Variants in DMKN observed in about 807,000 individuals in gnomAD.
The protein encoded by DMKN is dermokine.
DMKN carries 58 observed loss-of-function variants against 67.6 expected under a neutral mutation model. That is an observed-to-expected ratio of 0.86 (90% CI 0.69 to 1.07). The LOEUF (loss-of-function observed/expected upper bound fraction) is 1.07, where lower values mean the gene tolerates loss of function less well. Among genes scored for constraint, DMKN ranks in the 50% least tolerant of loss-of-function variants. The probability of loss-of-function intolerance (pLI) is 0.00; values close to 1 mark genes in which losing one functional copy is unlikely to be tolerated. For synonymous variants in DMKN, 240 were observed against 232.3 expected (o/e 1.03, Z -0.30); for missense variants, 596 against 601.5 (o/e 0.99, Z 0.10).
intron 7 of DMKN, chr19:35,506,824 G>A: frequency 8.1e-6 from 2 of 246,104 alleles, no homozygotes; most frequent in South Asian, 4.2e-5. Context: ...AAACAGCCTG[G>A]CCAACATAGT....
intron 9 of DMKN, 43 bp downstream of exon 9, chr19:35,505,675 T>A (rs1462374340): frequency 1.2e-6 from 2 of 1,613,346 alleles, no homozygotes; most frequent in South Asian, 2.2e-5. Context: ...AGGTTTAGCT[T>A]TCTTCCCTAT....
At chr19:35,511,166 A>G (rs1037427887) in intron 5 of DMKN, among the ~76,000 whole-genome samples, 1 of 152,162 alleles carries the variant, frequency 6.6e-6, no homozygotes, top group Non-Finnish European at 1.5e-5. Flanking sequence ...CCACCATCAC[A>G]GAGTGGAAAA....
Position 35,511,468 on chromosome 19 carries a change from A to ACCACTGCTGCTGCCACTGCTGCTG in DMKN, c.860_861insCAGCAGCAGTGGCAGCAGCAGTGG (p.Gly287_Gly288insSerSerSerGlySerSerSerGly). 2,400 of 1,092,188 alleles carry ACCACTGCTGCTGCCACTGCTGCTG rather than the reference A, an allele frequency of 2.2e-3. 27 individuals carry two copies. The East Asian group carries it at 0.026, about 12-fold the overall frequency. 67.7% of individuals were successfully genotyped at this position (1,092,188 alleles called of 1,614,324 possible). ...TGCCACCACTGTTGCCACTGCTGCCACCACTGCTGCCGCCACTGCTGCCGC... is the reference window on the plus strand; with the variant it reads ...TGCCACCACTGTTGCCACTGCTGCCACCACTGCTGCTGCCACTGCTGCTGCCACTGCTGCCGCCACTGCTGCCGC... On this transcript the variant is annotated inframe_insertion, in exon 5 of 16. Transcript: ENST00000339686.
At chr19:35,503,738 A>G (rs2068880413) in intron 9 of DMKN, among the ~76,000 whole-genome samples, 2 of 152,028 alleles carry the variant, frequency 1.3e-5, no homozygotes, top group South Asian at 4.1e-4. Flanking sequence ...GGCCTCCCAA[A>G]GTGCTAGGAT....
intron 9 of DMKN, among the ~76,000 whole-genome samples, chr19:35,504,841 AC>A (rs553887390): frequency 6.1e-5 from 9 of 147,746 alleles, no homozygotes; most frequent in Non-Finnish European, 1.3e-4. Flanking sequence ...CTAGGGAGTG[AC>A]CCCCCCACCC....
Position 35,511,747 on chromosome 19 carries a change from G to A in DMKN, c.735+16C>T, listed in dbSNP as rs754315155. On this transcript the variant is annotated intron_variant, in intron 4 of 15. Transcript: ENST00000339686. ...CCTCCTGGTGCACAACTCCTGGGTT[G>A]CCCCTCTCCACTCACCCCAGAGTTG... 2.4e-5 allele frequency: 39 copies of A among 1,610,940 alleles called. No individual in the cohort carries two copies. Among genetic ancestry groups the A allele is most frequent in the Non-Finnish European group, 3.2e-5 (38 of 1,178,112 alleles).
intron 3 of DMKN, 148 bp from the exon 4 acceptor site, chr19:35,511,961 C>T (rs1179692717): frequency 1.4e-5 from 12 of 857,976 alleles, no homozygotes; most frequent in Admixed American, 3.1e-5. Context: ...TCCCATCTGC[C>T]TCCTCCCCAG....
At chr19:35,509,605 G>A in intron 7 of DMKN, 1 of 326,424 alleles carries the variant, frequency 3.1e-6, no homozygotes, top group East Asian at 5.5e-5. Flanking sequence ...GTTCACCACA[G>A]TCTGTTCCCC....
At position 35,512,633 on chromosome 19, in the gene DMKN, T is replaced by C. The variant is rs972076065; in HGVS notation, c.584A>G (p.Gln195Arg). The change falls in exon 2 of 16, where the codon CAA (glutamine) becomes CGA (arginine). Residue 195 changes from glutamine (Q) to arginine (R), a missense_variant. Gln to Arg is a conservative substitution (Grantham distance 43). Transcript: ENST00000339686. ...GTTTGGTGGCCCTCCATTGCCTCCT[T>C]GACCCCAGGGAGCTCCCTGAGGATT... ...GMNPQGAPWG[Q>R]GGNGGPPNFG... The C allele has an allele frequency of 1.2e-6, 2 of 1,614,142 alleles. No individual in the cohort carries two copies. The highest frequency in any genetic ancestry group is 4.5e-5 in the East Asian group (2 of 44,876).
chr19:35,497,778 C>T (rs2067685502), intron 15 of DMKN: 1 of 152,646 alleles, frequency 6.6e-6, no homozygotes, highest in South Asian at 2.1e-4. Context: ...CCAGGAGGCT[C>T]TTTTCTCCAC....
In DMKN at chr19:35,498,706, T is replaced by C. The variant is rs1282475595; in HGVS notation, c.*10A>G. ...GGATGTGGCCTGGGTCGGCTCACTC[T>C]GACACTCACCTACCAAAACTTCACC... On this transcript the variant is annotated intron_variant, in intron 15 of 15. Transcript: ENST00000339686. The C allele has an allele frequency of 2.5e-6, 4 of 1,613,820 alleles. No homozygotes were observed. Among genetic ancestry groups the C allele is most frequent in the African/African-American group, 2.7e-5 (2 of 74,890 alleles).
chr19:35,513,014 C>G (rs755144938), intron 1 of DMKN, 36 bp downstream of exon 1: 1 of 1,607,722 alleles, frequency 6.2e-7, no homozygotes, highest in South Asian at 1.1e-5. Context: ...CAGCCCACAG[C>G]CTCCCATTTC....
intron 1 of DMKN, 126 bp downstream of exon 1, chr19:35,512,924 A>G (rs2071065022): frequency 2.6e-6 from 4 of 1,515,058 alleles, no homozygotes; most frequent in South Asian, 1.3e-5. Flanking sequence ...GGGGCAGAAC[A>G]TAGAAGGAAG....
At chr19:35,510,410 G>A in intron 5 of DMKN, 158 bp from the exon 6 acceptor site, 1 of 1,552,386 alleles carries the variant, frequency 6.4e-7, no homozygotes, top group South Asian at 1.2e-5. Flanking sequence ...GGTCGCTGCA[G>A]GAAGTTATTC....
At chr19:35,502,723 A>T in intron 10 of DMKN, 107 bp downstream of exon 10, 2 of 1,055,596 alleles carry the variant, frequency 1.9e-6, no homozygotes, top group African/African-American at 1.6e-5. Context: ...AAAGGGGGGG[A>T]GTTTTGAAAC....
intron 5 of DMKN, among the ~76,000 whole-genome samples, chr19:35,510,878 G>C (rs560762431): frequency 6.6e-6 from 1 of 152,308 alleles, no homozygotes; most frequent in South Asian, 2.1e-4. Flanking sequence ...TGGAGTCAGT[G>C]AGGCCCGGGG....
At chr19:35,498,657 C>A (rs578028672) in intron 15 of DMKN, 59 bp downstream of exon 15, 2 of 1,609,212 alleles carry the variant, frequency 1.2e-6, no homozygotes, top group Non-Finnish European at 1.7e-6. Context: ...GGCCCTGCCC[C>A]GGGTGACTGT....
intron 13 of DMKN, chr19:35,499,197 A>G (rs1452776008): frequency 6.5e-6 from 3 of 459,492 alleles, no homozygotes; most frequent in Non-Finnish European, 1.2e-5. Flanking sequence ...CTGACCACAG[A>G]TAACCCGGCA....
rs185646050 is a variant in DMKN at position 35,512,686 on chromosome 19, G to A, written c.531C>T (p.Pro177=). The part of the protein sequence containing the change: ...GLGTPWVHGY[P]GNSAGSFGMN... ...TTCCAAAGCTGCCTGCTGAGTTTCCGGGGTATCCGTGGACCCACGGAGTCC... is the reference window on the plus strand; with the variant it reads ...TTCCAAAGCTGCCTGCTGAGTTTCCAGGGTATCCGTGGACCCACGGAGTCC... The change falls in exon 2 of 16, where the codon CCC becomes CCT. Residue 177 remains proline, a synonymous_variant. Coordinates refer to ENST00000339686, the MANE Select transcript of DMKN (RefSeq NM_033317.5). The A allele has an allele frequency of 1.0e-4, 166 of 1,614,196 alleles. No homozygotes were observed. Among genetic ancestry groups the A allele is most frequent in the East Asian group, 3.8e-4 (17 of 44,880 alleles).
Sources: allele counts gnomAD v4.1 joint callset (sites outside exome capture counted in the v4.1 genomes callset), GRCh38; gene constraint gnomAD v4.1.1; transcripts MANE v1.5; gene names NCBI Gene and HGNC (gene_info 2026-07-23, HGNC 2026-07-21).